The following BUD13 variants were observed in gnomAD, a reference collection of about 807,000 sequenced individuals.
The protein encoded by BUD13 is BUD13 spliceosome associated protein.
Under a neutral mutation model 62.5 loss-of-function variants are expected in BUD13, and 47 were observed. The observed-to-expected ratio is 0.75, with a 90% CI of 0.60 to 0.96. The LOEUF (loss-of-function observed/expected upper bound fraction) is 0.96. Ranked by LOEUF, BUD13 falls within the 40% of genes least tolerant of loss-of-function variation. The probability of loss-of-function intolerance (pLI) is 0.00; values close to 1 mark genes in which losing one functional copy is unlikely to be tolerated. For missense variants in BUD13, 821 were observed against 790.9 expected (o/e 1.04, Z -0.46); for synonymous variants, 293 against 280.1 (o/e 1.05, Z -0.46).
Position 116,748,385 on chromosome 11 carries a change from T to C in BUD13, c.*97A>G, listed in dbSNP as rs1349190594. On this transcript the variant is annotated 3_prime_UTR_variant, in exon 10 of 10. Transcript: ENST00000260210. The stretch of plus-strand genomic sequence containing the variant: ...GCATTCAACAAGTTGCTGGTCTGTG[T>C]GGGCTCCAATTATTAGCACAGACAA... 8 of 1,088,428 alleles carry C rather than the reference T, an allele frequency of 7.4e-6. No individual in the cohort carries two copies. The East Asian group carries it at 1.7e-4, about 23-fold the overall frequency. The allele number at this position is 1,088,428 out of a possible 1,614,324, so 67.4% of individuals were successfully genotyped here.
rs992090356 is a variant in BUD13 at position 116,762,878 on chromosome 11, A to T, written c.711T>A (p.Asp237Glu). ...TATGGACCCTTCTGGGGGAAGAGAT[A>T]TCTGAGGAACCATGACGGGCTCGCC... ...PPRRARHGSS[D>E]ISSPRRVHNN... Residue 237 changes from aspartate to glutamate, a missense_variant, in exon 4 of 10, where the codon GAT (aspartate) becomes GAA (glutamate). By Grantham distance (45) the Asp-to-Glu change is conservative. Coordinates refer to ENST00000260210, the MANE Select transcript of BUD13 (RefSeq NM_032725.4). The T allele has an allele frequency of 6.2e-7, 1 of 1,613,940 alleles. No individual in the cohort carries two copies. Among genetic ancestry groups the T allele is most frequent in the Non-Finnish European group, 8.5e-7 (1 of 1,179,986 alleles).
intron 9 of BUD13, among the ~76,000 whole-genome samples, chr11:116,752,981 T>A (rs776645757): frequency 1.3e-5 from 2 of 152,052 alleles, no homozygotes; most frequent in Non-Finnish European, 2.9e-5. Flanking sequence ...CTTAGGCCCA[T>A]ATAAGGTGGG....
At chr11:116,767,663 G>C (rs1940556056) in intron 2 of BUD13, among the ~76,000 whole-genome samples, 1 of 150,360 alleles carries the variant, frequency 6.7e-6, no homozygotes. Context: ...TTTGCTATTG[G>C]TTTTGTTTTG....
At chr11:116,750,382 A>G (rs1940212087) in intron 9 of BUD13, among the ~76,000 whole-genome samples, 1 of 152,228 alleles carries the variant, frequency 6.6e-6, no homozygotes, top group African/African-American at 2.4e-5. Context: ...CTTCTTAAAA[A>G]GCCTGTATTC....
intron 4 of BUD13, among the ~76,000 whole-genome samples, chr11:116,762,295 T>G (rs1012907653): frequency 1.3e-5 from 2 of 152,238 alleles, no homozygotes; most frequent in African/African-American, 4.8e-5. Flanking sequence ...ACATTTTATC[T>G]TTATATACTT....
chr11:116,754,521 A>T (rs775760695), intron 9 of BUD13, among the ~76,000 whole-genome samples: 1 of 152,248 alleles, frequency 6.6e-6, no homozygotes, highest in Non-Finnish European at 1.5e-5. Flanking sequence ...AATATTTTGA[A>T]CAAAATCCAA....
At position 116,757,832 on chromosome 11, in the gene BUD13, T is replaced by C; in HGVS notation, c.1618A>G (p.Arg540Gly). 1 of 1,614,196 alleles carries C rather than the reference T, an allele frequency of 6.2e-7. No homozygotes were observed. Among genetic ancestry groups the C allele is most frequent in the Admixed American group, 1.7e-5 (1 of 60,012 alleles). ...AAGTTGGCCATAGGGTCCCCCTCTCTTTCCTGTTCTCTTAGCATCCTATCC... is the reference window on the plus strand; with the variant it reads ...AAGTTGGCCATAGGGTCCCCCTCTCCTTCCTGTTCTCTTAGCATCCTATCC... ...DLDRMLREQE[R>G]EGDPMANFIK... The change falls in exon 8 of 10, where the codon AGA becomes GGA. Residue 540 changes from arginine to glycine, a missense_variant. Transcript: ENST00000260210.
chr11:116,770,719 C>A (rs2134186725), intron 1 of BUD13, among the ~76,000 whole-genome samples: 1 of 152,230 alleles, frequency 6.6e-6, no homozygotes, highest in East Asian at 1.9e-4. Flanking sequence ...TGGTCTCGAT[C>A]TCCTGACCTC....
chr11:116,755,909 G>A (rs979276629), intron 9 of BUD13, among the ~76,000 whole-genome samples: 1 of 151,996 alleles, frequency 6.6e-6, no homozygotes. Flanking sequence ...GAGGTCATCA[G>A]TAATTTTTAA....
rs756494576 is a variant in BUD13 at position 116,757,184 on chromosome 11, A to C, written c.1728T>G (p.Phe576Leu). The stretch of plus-strand genomic sequence containing the variant: ...CCCAGCGATATCCAGGCCAGATATT[A>C]AATCTGTTGGGAGGAGGTGCTGGAC... Reference protein sequence around the residue: ...YSGPAPPPNRFNIWPGYRWDG... With the variant: ...YSGPAPPPNRLNIWPGYRWDG... The change falls in exon 9 of 10, where the codon TTT becomes TTG. Residue 576 changes from phenylalanine to leucine, a missense_variant. By Grantham distance (22) the Phe-to-Leu change is conservative. Around this residue, in one of 2 missense-constraint regions of BUD13, gnomAD observed 800 missense variants for 739.2 expected, o/e 1.08. Transcript: ENST00000260210. 6.2e-7 allele frequency: 1 copy of C among 1,614,226 alleles called. No homozygotes were observed. The highest frequency in any genetic ancestry group is 1.7e-5 in the Admixed American group (1 of 60,030).
At chr11:116,750,970 C>A (rs1417440216) in intron 9 of BUD13, among the ~76,000 whole-genome samples, 1 of 152,166 alleles carries the variant, frequency 6.6e-6, no homozygotes, top group African/African-American at 2.4e-5. Flanking sequence ...ACATATAGGA[C>A]CCTCTTCCTT....
intron 2 of BUD13, 32 bp downstream of exon 2, chr11:116,770,097 T>A: frequency 6.6e-7 from 1 of 1,521,226 alleles, no homozygotes. Flanking sequence ...CTTGCTTCAT[T>A]TCAAAATCCT....
Position 116,767,738 on chromosome 11 carries a change from C to T in BUD13, c.238-2292G>A, listed in dbSNP as rs1353979708. Among the ~76,000 whole-genome samples, 5 of 151,824 alleles carry T rather than the reference C, an allele frequency of 3.3e-5. No homozygotes were observed. In the East Asian group the frequency reaches 9.6e-4, roughly 29 times the overall value. ...CCTGTAATCCCAACACTTTAGGAGG[C>T]CTAGGCAGGAGGATCACTTGAGCCC... is the stretch of plus-strand genomic sequence containing the variant. On this transcript the variant is annotated intron_variant, in intron 2 of 9. Transcript: ENST00000260210.
rs1452063955 is a variant in BUD13, at chr11:116,758,493, T to C, written c.1361-86A>G. 9.6e-6 allele frequency: 14 copies of C among 1,465,308 alleles called. No individual in the cohort carries two copies. In the East Asian group the frequency reaches 1.7e-4, roughly 17 times the overall value. 90.8% of individuals were successfully genotyped at this position (1,465,308 alleles called of 1,614,324 possible). The stretch of plus-strand genomic sequence containing the variant: ...TCAAATCAACCGCTTGGGATTCTAA[T>C]GCTAGATAAGAACTTCTGCAGCCAG... On this transcript the variant is annotated intron_variant, in intron 6 of 9. Transcript: ENST00000260210.
chr11:116,765,546 CA>C, intron 2 of BUD13, 100 bp from the exon 3 acceptor site: 1 of 1,241,268 alleles, frequency 8.1e-7, no homozygotes, highest in Non-Finnish European at 1.2e-6. Flanking sequence ...ATTCCTAACA[CA>C]AGGGCGTACA....
intron 2 of BUD13, among the ~76,000 whole-genome samples, chr11:116,767,086 G>A (rs1317699563): frequency 6.6e-6 from 1 of 152,006 alleles, no homozygotes; most frequent in African/African-American, 2.4e-5. Context: ...TATTTGGGAG[G>A]CTGAGGCAGG....
chr11:116,763,347 C>T lies in BUD13; in HGVS notation c.323-81G>A, dbSNP rs1940474351. On this transcript the variant is annotated intron_variant, in intron 3 of 9. Transcript: ENST00000260210. ...CCCCCACACCCAGTTTCAAAAGATGCTCCAGTAGCACATACCTCAGAACTG... is the reference window on the plus strand; with the variant it reads ...CCCCCACACCCAGTTTCAAAAGATGTTCCAGTAGCACATACCTCAGAACTG... 5 of 1,308,796 alleles carry T rather than the reference C, an allele frequency of 3.8e-6. No individual in the cohort carries two copies. In the South Asian group the frequency reaches 4.5e-5, roughly 12 times the overall value. The allele number at this position is 1,308,796 out of a possible 1,614,324, so 81.1% of individuals were successfully genotyped here.
At chr11:116,759,233 C>A in intron 5 of BUD13, 54 bp from the exon 6 acceptor site, 1 of 1,270,022 alleles carries the variant, frequency 7.9e-7, no homozygotes, top group South Asian at 1.2e-5. Context: ...TGACAGTAGG[C>A]TCCATGGGTA....
rs1940356587 is a variant in BUD13, at chr11:116,757,820, G to A, written c.1630C>T (p.Pro544Ser). The A allele has an allele frequency of 6.2e-7, 1 of 1,613,646 alleles. No homozygotes were observed. Among genetic ancestry groups the A allele is most frequent in the Non-Finnish European group, 8.5e-7 (1 of 1,179,938 alleles). ...TTCTTCTTGATGAAGTTGGCCATAGGGTCCCCCTCTCTTTCCTGTTCTCTT... is the reference window on the plus strand; with the variant it reads ...TTCTTCTTGATGAAGTTGGCCATAGAGTCCCCCTCTCTTTCCTGTTCTCTT... ...MLREQEREGD[P>S]MANFIKKNKA... The change falls in exon 8 of 10, where the codon CCT (proline) becomes TCT (serine). Residue 544 changes from proline to serine, a missense_variant. Physicochemically the swap from Pro to Ser is moderately conservative, Grantham distance 74. Transcript: ENST00000260210.
Sources: allele counts gnomAD v4.1 joint callset (sites outside exome capture counted in the v4.1 genomes callset), GRCh38; gene constraint gnomAD v4.1.1; regional missense constraint gnomAD v4.1.1; transcripts MANE v1.5; gene names NCBI Gene and HGNC (gene_info 2026-07-23, HGNC 2026-07-21).